IL1RAPL2: variants seen among roughly 807,000 people sequenced by gnomAD.
The protein encoded by IL1RAPL2 is X-linked interleukin-1 receptor accessory protein-like 2.
IL1RAPL2 carries 3 observed loss-of-function variants against 44.1 expected under a neutral mutation model. The observed-to-expected ratio is 0.07, with a 90% CI of 0.03 to 0.18. The LOEUF (loss-of-function observed/expected upper bound fraction) is 0.18, where lower values mean the gene tolerates loss of function less well. Among genes scored for constraint, IL1RAPL2 ranks in the 10% least tolerant of loss-of-function variants. IL1RAPL2 has a pLI of 1.00. For synonymous variants in IL1RAPL2, 181 were observed against 178.8 expected (o/e 1.01, Z -0.10); for missense variants, 391 against 496.4 (o/e 0.79, Z 2.02).
intron 2 of IL1RAPL2, among the ~76,000 whole-genome samples, chrX:105,100,499 G>T (rs1213979445): frequency 9.0e-6 from 1 of 111,481 alleles, no homozygotes; most frequent in Non-Finnish European, 1.9e-5. Context: ...ACCAAAGAAA[G>T]CACTCAATAA....
intron 6 of IL1RAPL2, among the ~76,000 whole-genome samples, chrX:105,563,161 A>G (rs1355165770): frequency 8.9e-6 from 1 of 111,787 alleles, no homozygotes; most frequent in African/African-American, 3.3e-5. Flanking sequence ...TGTGCCAGCC[A>G]TGTGAATTAA....
intron 6 of IL1RAPL2, among the ~76,000 whole-genome samples, chrX:105,698,517 C>T (rs774567481): frequency 1.8e-5 from 2 of 111,598 alleles, no homozygotes; most frequent in East Asian, 5.7e-4. Context: ...ACAGTCACCT[C>T]TGTATATAGT....
intron 2 of IL1RAPL2, among the ~76,000 whole-genome samples, chrX:104,834,488 A>G (rs1921691164): frequency 8.9e-6 from 1 of 111,785 alleles, no homozygotes; most frequent in South Asian, 3.7e-4. Context: ...AAAACTTCAG[A>G]GAAAAATGGT....
At chrX:104,806,647 T>G (rs1932924700) in intron 2 of IL1RAPL2, among the ~76,000 whole-genome samples, 1 of 112,983 alleles carries the variant, frequency 8.9e-6, no homozygotes, top group African/African-American at 3.2e-5. Context: ...GGTACAACAC[T>G]TGCCATGGGG....
intron 2 of IL1RAPL2, among the ~76,000 whole-genome samples, chrX:104,864,078 A>G (rs761706588): frequency 1.8e-5 from 2 of 112,141 alleles, no homozygotes; most frequent in East Asian, 2.8e-4. Context: ...AACTCTTGTC[A>G]TAATACAGAG....
chrX:105,287,707 A>G (rs1324434923), intron 5 of IL1RAPL2, among the ~76,000 whole-genome samples: 1 of 111,447 alleles, frequency 9.0e-6, no homozygotes, highest in Non-Finnish European at 1.9e-5. Context: ...GTGATGGCTT[A>G]GATGTGGAGT....
chrX:105,134,950 C>G (rs2033062560), intron 2 of IL1RAPL2, among the ~76,000 whole-genome samples: 1 of 108,265 alleles, frequency 9.2e-6, no homozygotes, highest in Non-Finnish European at 1.9e-5. Context: ...TCTCTGTGGT[C>G]TCACTACATG....
At chrX:104,587,035 A>T (rs1928575300) in intron 1 of IL1RAPL2, among the ~76,000 whole-genome samples, 1 of 111,186 alleles carries the variant, frequency 9.0e-6, no homozygotes, top group Non-Finnish European at 1.9e-5. Context: ...ATTTGGGAGG[A>T]TCAGAGTACT....
intron 5 of IL1RAPL2, among the ~76,000 whole-genome samples, chrX:105,450,740 T>C (rs1471859371): frequency 8.9e-6 from 1 of 112,283 alleles, no homozygotes; most frequent in Non-Finnish European, 1.9e-5. Context: ...TCTTTCATTT[T>C]AGTAAATCTC....
At chrX:105,250,702 A>G (rs1295281333) in intron 4 of IL1RAPL2, among the ~76,000 whole-genome samples, 1 of 111,305 alleles carries the variant, frequency 9.0e-6, no homozygotes, top group East Asian at 2.8e-4. Flanking sequence ...AATTTGATAG[A>G]ATATAAATTA....
chrX:105,345,182 C>A (rs1054142806), intron 5 of IL1RAPL2, among the ~76,000 whole-genome samples: 2 of 111,684 alleles, frequency 1.8e-5, no homozygotes, highest in East Asian at 2.8e-4. Flanking sequence ...TCTATAAATT[C>A]TTGAATAGAT....
chrX:105,045,628 G>T (rs971801456), intron 2 of IL1RAPL2, among the ~76,000 whole-genome samples: 2 of 111,651 alleles, frequency 1.8e-5, no homozygotes, highest in African/African-American at 6.5e-5. Context: ...GCTCACTGCA[G>T]CCTTGAACTC....
At chrX:104,585,359 TATTATATATATTA>T (rs1928530045) in intron 1 of IL1RAPL2, among the ~76,000 whole-genome samples, 1 of 22,034 alleles carries the variant, frequency 4.5e-5, no homozygotes, top group Non-Finnish European at 6.0e-5. Flanking sequence ...ATATTATATA[TATTATATATATTA>T]TATATAATAT....
chrX:105,402,253 A>G (rs1299149586), intron 5 of IL1RAPL2, among the ~76,000 whole-genome samples: 1 of 111,449 alleles, frequency 9.0e-6, no homozygotes, highest in Non-Finnish European at 1.9e-5. Context: ...AAATTATACC[A>G]CCCTGCTATG....
At chrX:104,600,992 C>G (rs1167740558) in intron 1 of IL1RAPL2, among the ~76,000 whole-genome samples, 1 of 111,282 alleles carries the variant, frequency 9.0e-6, no homozygotes, top group Non-Finnish European at 1.9e-5. Context: ...ATTCATGTGT[C>G]TTTTTGGTAG....
At chrX:104,844,535 T>C in intron 2 of IL1RAPL2, among the ~76,000 whole-genome samples, 1 of 111,551 alleles carries the variant, frequency 9.0e-6, no homozygotes, top group Middle Eastern at 4.6e-3. Flanking sequence ...CTGGACCACA[T>C]TGGAAGAAGA....
chrX:105,396,282 T>C (rs917588427), intron 5 of IL1RAPL2, among the ~76,000 whole-genome samples: 3 of 108,316 alleles, frequency 2.8e-5, no homozygotes, highest in Admixed American at 9.9e-5. Context: ...AATATAATGA[T>C]CAGGGTTTGG....
At chrX:104,571,677 T>C (rs1189349796) in intron 1 of IL1RAPL2, among the ~76,000 whole-genome samples, 2 of 112,281 alleles carry the variant, frequency 1.8e-5, no homozygotes, top group African/African-American at 6.5e-5. Flanking sequence ...ACTAAACCTC[T>C]TTCTTTTATA....
intron 5 of IL1RAPL2, among the ~76,000 whole-genome samples, chrX:105,447,118 T>A (rs1375351059): frequency 4.0e-4 from 23 of 56,977 alleles, no homozygotes; most frequent in East Asian, 1.1e-3. Context: ...AAAATATATA[T>A]AAATATAAAT....
Sources: allele counts gnomAD v4.1 joint callset (sites outside exome capture counted in the v4.1 genomes callset), GRCh38; gene constraint gnomAD v4.1.1; transcripts MANE v1.5; gene names NCBI Gene and HGNC (gene_info 2026-07-23, HGNC 2026-07-21).